Variants in MAP3K2 observed in about 807,000 individuals in gnomAD.
MAP3K2 encodes mitogen-activated protein kinase kinase kinase 2.
A neutral mutation model predicts 80.3 loss-of-function variants in MAP3K2; 24 were observed. That is an observed-to-expected ratio of 0.30 (90% CI 0.22 to 0.42). The LOEUF (loss-of-function observed/expected upper bound fraction) is 0.42. MAP3K2 is among the 10% of genes least tolerant of loss of function. MAP3K2 has a pLI of 1.00. For missense variants in MAP3K2, 608 were observed against 750.1 expected, an observed-to-expected ratio of 0.81 and a Z score of 2.21; for synonymous variants, 244 against 253.7, an observed-to-expected ratio of 0.96 and a Z score of 0.36.
At chr2:127,333,469 G>A (rs1686302589) in intron 5 of MAP3K2, among the ~76,000 whole-genome samples, 1 of 152,162 alleles carries the variant, frequency 6.6e-6, no homozygotes. Context: ...ATTTATAGAA[G>A]TGGAATAACA....
At chr2:127,370,247 CT>C (rs1687040440) in intron 1 of MAP3K2, among the ~76,000 whole-genome samples, 2 of 152,202 alleles carry the variant, frequency 1.3e-5, no homozygotes, top group African/African-American at 4.8e-5. Context: ...GCCGCTGACT[CT>C]TTATACACCC....
intron 16 of MAP3K2, 57 bp downstream of exon 16, chr2:127,308,528 A>G (rs748754403): frequency 1.7e-4 from 236 of 1,427,654 alleles, no homozygotes; most frequent in Non-Finnish European, 2.2e-4. Flanking sequence ...ATTCAATCCC[A>G]GGTGGAAATA....
intron 5 of MAP3K2, among the ~76,000 whole-genome samples, chr2:127,332,188 T>C (rs959653863): frequency 6.6e-6 from 1 of 152,232 alleles, no homozygotes; most frequent in Admixed American, 6.5e-5. Context: ...TCCCACCAAT[T>C]ATGAAACATA....
At position 127,313,907 on chromosome 2, in the gene MAP3K2, C is replaced by T. The variant is rs528519090; in HGVS notation, c.1456+847G>A. On this transcript the variant is annotated intron_variant, in intron 15 of 16. Transcript: ENST00000682094. ...CTGGACTTGAACTCCTGGGTTCAAG[C>T]GATCCTCCTGCCTCAGCCTCCCAGG... is the stretch of plus-strand genomic sequence containing the variant. 2.8e-4 allele frequency among the ~76,000 whole-genome samples: 42 copies of T among 152,198 alleles called. 3 individuals are homozygous for T. The South Asian group carries it at 5.8e-3, about 21-fold the overall frequency.
At chr2:127,370,531 C>G (rs573089395) in intron 1 of MAP3K2, among the ~76,000 whole-genome samples, 3 of 152,278 alleles carry the variant, frequency 2.0e-5, no homozygotes, top group East Asian at 3.9e-4. Context: ...CAACAGTTAT[C>G]AGCTCAACAG....
intron 1 of MAP3K2, 89 bp downstream of exon 1, chr2:127,387,363 C>T (rs1399160689): frequency 2.9e-5 from 15 of 510,998 alleles, no homozygotes; most frequent in Non-Finnish European, 3.5e-5. Flanking sequence ...GCCCCCCTCC[C>T]GGCGCCCAGC....
chr2:127,309,131 T>C (rs1366458180), intron 15 of MAP3K2, among the ~76,000 whole-genome samples: 1 of 152,212 alleles, frequency 6.6e-6, no homozygotes, highest in Non-Finnish European at 1.5e-5. Context: ...AAGAAGCCCA[T>C]GGATGAAGCT....
intron 1 of MAP3K2, chr2:127,378,248 T>C (rs1431857195): frequency 6.4e-6 from 3 of 471,430 alleles, no homozygotes; most frequent in Non-Finnish European, 8.3e-6. Context: ...ACTGGTACAT[T>C]ATTATTACGT....
At chr2:127,324,098 TC>T (rs1236686385) in intron 10 of MAP3K2, 75 bp downstream of exon 10, 2 of 1,114,516 alleles carry the variant, frequency 1.8e-6, no homozygotes, top group African/African-American at 3.2e-5. Context: ...TTTTCAAAAA[TC>T]CCCCCTCTCC....
At chr2:127,338,895 A>C in intron 3 of MAP3K2, 37 bp downstream of exon 3, 1 of 1,339,670 alleles carries the variant, frequency 7.5e-7, no homozygotes, top group Non-Finnish European at 1.0e-6. Context: ...TATTAAAGGA[A>C]AGTAATTCAT....
In MAP3K2 at chr2:127,307,477, C is replaced by T; in HGVS notation, c.*102G>A. On this transcript the variant is annotated 3_prime_UTR_variant, in exon 17 of 17. Transcript: ENST00000682094. The surrounding 1 kb of genome is among the most constrained non-coding windows in gnomAD (Gnocchi z 5.4). ...AAATACTTTCCCTCTTGTCTTTTTT[C>T]TCCCCCATCTCTCTTTTTTTATAAA... is the stretch of plus-strand genomic sequence containing the variant. The T allele has an allele frequency of 1.8e-6, 1 of 571,384 alleles. No homozygotes were observed. The highest frequency in any genetic ancestry group is 2.9e-6 in the Non-Finnish European group (1 of 343,828). The allele number at this position is 571,384 out of a possible 1,614,324, so 35.4% of individuals were successfully genotyped here.
At chr2:127,308,929 G>A (rs1685758375) in intron 15 of MAP3K2, among the ~76,000 whole-genome samples, 167 bp from the exon 16 acceptor site, 1 of 152,158 alleles carries the variant, frequency 6.6e-6, no homozygotes, top group Admixed American at 6.5e-5. Flanking sequence ...CACACAGGTG[G>A]TGCTCATTAA....
chr2:127,373,337 T>C (rs1322107752), intron 1 of MAP3K2, among the ~76,000 whole-genome samples: 1 of 152,228 alleles, frequency 6.6e-6, no homozygotes, highest in African/African-American at 2.4e-5. Flanking sequence ...AAAGTACAGA[T>C]GTCTTCTCCT....
rs1327519486 is a variant in MAP3K2, at chr2:127,304,194, A to AT, written c.*3384dup. 3 of 152,106 alleles carry AT rather than the reference A, an allele frequency of 2.0e-5. No homozygotes were observed. The highest frequency in any genetic ancestry group is 7.2e-5 in the African/African-American group (3 of 41,416). 9.4% of individuals were successfully genotyped at this position (152,106 alleles called of 1,614,324 possible). On this transcript the variant is annotated 3_prime_UTR_variant, in exon 17 of 17. Transcript: ENST00000682094. ...TTTAAAACTTTCTAAGGCAATAGTC[A>AT]TTTTTTTAAGTTAGAAAGATGTTTT...
Position 127,317,759 on chromosome 2 carries a change from T to C in MAP3K2, c.1196A>G (p.Glu399Gly). Residue 399 changes from glutamate (E) to glycine (G), a missense_variant and splice_region_variant, in exon 14 of 17, where the codon GAA becomes GGA. Coordinates refer to ENST00000682094, the MANE Select transcript of MAP3K2 (RefSeq NM_001371910.2). The part of the protein sequence containing the change: ...FDPDSPETSK[E>G]VNALECEIQL... ...AATTTCACACTCAAGTGCATTTACT[T>C]CCTGAAAGAGAGAATTCATTGTTAA... is the stretch of plus-strand genomic sequence containing the variant. The C allele has an allele frequency of 6.3e-7, 1 of 1,599,158 alleles. No homozygotes were observed. Among genetic ancestry groups the C allele is most frequent in the South Asian group, 1.1e-5 (1 of 88,274 alleles).
chr2:127,360,620 C>A (rs931518284), intron 1 of MAP3K2, among the ~76,000 whole-genome samples: 1 of 152,132 alleles, frequency 6.6e-6, no homozygotes, highest in Non-Finnish European at 1.5e-5. Flanking sequence ...CAAAATTATT[C>A]TTTAATGCTA....
intron 1 of MAP3K2, among the ~76,000 whole-genome samples, chr2:127,352,472 G>A (rs1167614999): frequency 6.6e-6 from 1 of 152,110 alleles, no homozygotes; most frequent in South Asian, 2.1e-4. Flanking sequence ...GTCATTTGAA[G>A]TTTCATTCTT....
Position 127,346,615 on chromosome 2 carries a change from T to C in MAP3K2, c.-65-3421A>G, listed in dbSNP as rs150721747. Among the ~76,000 whole-genome samples the C allele has an allele frequency of 1.6e-3, 249 of 152,142 alleles. 3 individuals carry two copies. The highest frequency in any genetic ancestry group is 5.7e-3 in the African/African-American group (237 of 41,452). Reference sequence around the variant, plus strand: ...AAAACAAATTATATACCATGCACATTTGGGATATATCCAACAAAATCAAGG... The same window carrying C: ...AAAACAAATTATATACCATGCACATCTGGGATATATCCAACAAAATCAAGG... On this transcript the variant is annotated intron_variant, in intron 1 of 16. Transcript: ENST00000682094.
intron 1 of MAP3K2, among the ~76,000 whole-genome samples, chr2:127,384,586 A>G (rs1687312051): frequency 6.6e-6 from 1 of 152,198 alleles, no homozygotes; most frequent in African/African-American, 2.4e-5. Context: ...TGACGGAAAG[A>G]GCAAGAGAAC....
Sources: gnomAD v4.1 joint callset for allele counts (sites outside exome capture counted in the v4.1 genomes callset) on GRCh38, gnomAD v4.1.1 for gene constraint, Gnocchi (gnomAD v3.1) non-coding constraint, MANE v1.5 for transcripts, NCBI Gene and HGNC (gene_info 2026-07-23, HGNC 2026-07-21) for gene names.